Variants in ZHX2 observed in about 807,000 individuals in gnomAD.
The protein encoded by ZHX2 is zinc fingers and homeoboxes 2, also known as zinc fingers and homeoboxes protein 2.
A neutral mutation model predicts 21.9 loss-of-function variants in ZHX2; 6 were observed. That is an observed-to-expected ratio of 0.27 (90% CI 0.15 to 0.54). The LOEUF is 0.54. ZHX2 is among the 20% of genes least tolerant of loss of function. ZHX2 has a pLI of 0.95. For synonymous variants in ZHX2, 434 were observed against 437.1 expected, an observed-to-expected ratio of 0.99 and a Z score of 0.09; for missense variants, 908 against 1,090.7, an observed-to-expected ratio of 0.83 and a Z score of 2.36.
chr8:122,797,271 T>C (rs1336778295), intron 1 of ZHX2, among the ~76,000 whole-genome samples: 4 of 152,152 alleles, frequency 2.6e-5, no homozygotes, highest in Non-Finnish European at 4.4e-5. Context: ...TGCTAAAATT[T>C]TGTAGCCACT....
Position 122,953,839 on chromosome 8 carries a change from C to T in ZHX2, c.2329C>T (p.Arg777Trp), listed in dbSNP as rs745772795. 3.7e-6 allele frequency: 6 copies of T among 1,614,216 alleles called. No individual in the cohort carries two copies. The highest frequency in any genetic ancestry group is 5.1e-6 in the Non-Finnish European group (6 of 1,180,030). The stretch of plus-strand genomic sequence containing the variant: ...CTCAGACCGGTCAGAGGGCAGCAGC[C>T]GGGACGGCCAGGGTAGCGACGAGAA... ...ATSDRSEGSS[R>W]DGQGSDENEE... Residue 777 changes from arginine (R) to tryptophan (W), a missense_variant, in exon 3 of 4, where the codon CGG becomes TGG. Physicochemically the swap from Arg to Trp is moderately radical, Grantham distance 101. Around this residue, in one of 4 missense-constraint regions of ZHX2, gnomAD observed 431 missense variants for 428.6 expected, o/e 1.01. Coordinates refer to ENST00000314393, the MANE Select transcript of ZHX2 (RefSeq NM_014943.5). This position sits in a 1 kb window ranked among gnomAD's most constrained non-coding sequence, Gnocchi z 4.6.
At chr8:122,801,182 T>C (rs1397257285) in intron 1 of ZHX2, among the ~76,000 whole-genome samples, 1 of 152,222 alleles carries the variant, frequency 6.6e-6, no homozygotes, top group Non-Finnish European at 1.5e-5. Flanking sequence ...TAATTCTAGG[T>C]TCACAGAAAG....
chr8:122,851,918 A>G (rs772188309), intron 1 of ZHX2, among the ~76,000 whole-genome samples: 1 of 152,236 alleles, frequency 6.6e-6, no homozygotes, highest in African/African-American at 2.4e-5. Context: ...TTGGAAATGG[A>G]AACGCATTGC....
rs181447380 is a variant in ZHX2, at chr8:122,840,336, T to C, written c.-282-23141T>C. 1.1e-4 allele frequency among the ~76,000 whole-genome samples: 17 copies of C among 152,146 alleles called. No homozygotes were observed. In the East Asian group the frequency reaches 3.1e-3, roughly 28 times the overall value. Reference sequence around the variant, plus strand: ...TGGTAGAGTGTCGTGGGAAAGAAGGTAGGTTCTGGAATCAGACACCCTAGG... The same window carrying C: ...TGGTAGAGTGTCGTGGGAAAGAAGGCAGGTTCTGGAATCAGACACCCTAGG... On this transcript the variant is annotated intron_variant, in intron 1 of 3. Coordinates refer to ENST00000314393, the MANE Select transcript of ZHX2 (RefSeq NM_014943.5).
intron 2 of ZHX2, among the ~76,000 whole-genome samples, chr8:122,887,087 G>A (rs1292246653): frequency 1.4e-5 from 2 of 145,028 alleles, no homozygotes; most frequent in African/African-American, 5.3e-5. Flanking sequence ...GTGTGTGTGT[G>A]TGTGTGTACA....
intron 1 of ZHX2, among the ~76,000 whole-genome samples, chr8:122,823,316 T>C (rs187844545): frequency 6.6e-6 from 1 of 152,362 alleles, no homozygotes; most frequent in Non-Finnish European, 1.5e-5. Context: ...CTCTGACATG[T>C]GAAAAACTAG....
chr8:122,832,775 G>A (rs1818407112), intron 1 of ZHX2, among the ~76,000 whole-genome samples: 3 of 152,266 alleles, frequency 2.0e-5, no homozygotes, highest in African/African-American at 7.2e-5. Context: ...GAGCCCTCGG[G>A]TTTGCAGGGT....
At chr8:122,814,207 T>C (rs1240895985) in intron 1 of ZHX2, among the ~76,000 whole-genome samples, 1 of 152,212 alleles carries the variant, frequency 6.6e-6, no homozygotes, top group Non-Finnish European at 1.5e-5. Context: ...CTGGGGTATC[T>C]ACTTAGACTC....
At chr8:122,827,178 C>G (rs1818281419) in intron 1 of ZHX2, among the ~76,000 whole-genome samples, 1 of 152,056 alleles carries the variant, frequency 6.6e-6, no homozygotes, top group Non-Finnish European at 1.5e-5. Flanking sequence ...CGCCACCATG[C>G]CTAGCTAATT....
chr8:122,950,580 TAAAATA>T (rs2130266569), intron 2 of ZHX2, among the ~76,000 whole-genome samples: 1 of 152,270 alleles, frequency 6.6e-6, no homozygotes, highest in Non-Finnish European at 1.5e-5. Flanking sequence ...TCCCAGAACT[TAAAATA>T]AAATTTTAAA....
At chr8:122,907,921 A>G (rs978713458) in intron 2 of ZHX2, among the ~76,000 whole-genome samples, 4 of 152,274 alleles carry the variant, frequency 2.6e-5, no homozygotes, top group African/African-American at 4.8e-5. Context: ...ACTGATTCCA[A>G]TGCCTATTGC....
intron 2 of ZHX2, among the ~76,000 whole-genome samples, chr8:122,895,488 C>T (rs1027292103): frequency 6.6e-5 from 10 of 152,162 alleles, no homozygotes; most frequent in Admixed American, 6.5e-4. Flanking sequence ...TTTCTATAAG[C>T]CCTTTTAAAA....
intron 2 of ZHX2, among the ~76,000 whole-genome samples, chr8:122,938,184 C>T (rs1043274372): frequency 1.3e-5 from 2 of 150,316 alleles, no homozygotes; most frequent in Non-Finnish European, 2.9e-5. Flanking sequence ...CCGCCCACCT[C>T]GGCCTCCCAA....
At chr8:122,850,555 G>A (rs56062617) in intron 1 of ZHX2, among the ~76,000 whole-genome samples, 53,321 of 150,538 alleles carry the variant, frequency 0.35, 10,393 homozygotes, top group African/African-American at 0.53. Context: ...CAGAAGAATC[G>A]CTTGAGCCTA....
chr8:122,848,298 C>T (rs1347013348), intron 1 of ZHX2, among the ~76,000 whole-genome samples: 1 of 152,084 alleles, frequency 6.6e-6, no homozygotes, highest in Non-Finnish European at 1.5e-5. Context: ...GCCACAACAC[C>T]TCTTTTCAGT....
At chr8:122,858,178 G>A (rs543193473) in intron 1 of ZHX2, among the ~76,000 whole-genome samples, 1 of 152,174 alleles carries the variant, frequency 6.6e-6, no homozygotes, top group South Asian at 2.1e-4. Flanking sequence ...GCCAGGGTTG[G>A]CTTCTCTGTC....
At chr8:122,827,578 G>T (rs992914765) in intron 1 of ZHX2, among the ~76,000 whole-genome samples, 2 of 152,114 alleles carry the variant, frequency 1.3e-5, no homozygotes, top group Non-Finnish European at 2.9e-5. Context: ...CAGACCCAAG[G>T]TTACCCAGAT....
chr8:122,956,813 C>T (rs1348179722), intron 3 of ZHX2, among the ~76,000 whole-genome samples: 1 of 152,152 alleles, frequency 6.6e-6, no homozygotes, highest in Non-Finnish European at 1.5e-5. Flanking sequence ...TTCCAGTCCC[C>T]ATGGCTGAGT....
At chr8:122,873,165 A>G (rs187531235) in intron 2 of ZHX2, among the ~76,000 whole-genome samples, 1 of 152,250 alleles carries the variant, frequency 6.6e-6, no homozygotes, top group African/African-American at 2.4e-5. Context: ...TAAGTCCTGC[A>G]CTGCCTTAAA....
Sources: allele counts gnomAD v4.1 joint callset (sites outside exome capture counted in the v4.1 genomes callset), GRCh38; gene constraint gnomAD v4.1.1; regional missense constraint gnomAD v4.1.1; non-coding constraint Gnocchi (gnomAD v3.1); transcripts MANE v1.5; gene names NCBI Gene and HGNC (gene_info 2026-07-23, HGNC 2026-07-21).